Variants in SERPINH1 observed in about 807,000 individuals in gnomAD.
The protein encoded by SERPINH1 is serpin H1.
SERPINH1 carries 22 observed loss-of-function variants against 32.3 expected under a neutral mutation model. The observed-to-expected ratio is 0.68, with a 90% confidence interval of 0.49 to 0.97. SERPINH1 has a LOEUF of 0.97. SERPINH1 is among the 50% of genes least tolerant of loss of function. The probability of loss-of-function intolerance (pLI) is 0.00; values close to 1 mark genes in which losing one functional copy is unlikely to be tolerated. For missense variants in SERPINH1, 543 were observed against 576.4 expected (o/e 0.94, Z 0.59); for synonymous variants, 251 against 245.9 (o/e 1.02, Z -0.19).
chr11:75,572,061 A>T lies in SERPINH1; in HGVS notation c.1235A>T (p.Asp412Val). ...FIGRLVRPKG[D>V]KMRDEL ...GGGCGCCTGGTCCGGCCTAAGGGTG[A>T]CAAGATGCGAGACGAGTTATAGGGC... The change falls in exon 5 of 5, where the codon GAC (aspartate) becomes GTC (valine). Residue 412 changes from aspartate to valine, a missense_variant. Asp to Val is a radical substitution (Grantham distance 152, BLOSUM62 -3). Coordinates refer to ENST00000358171, the MANE Select transcript of SERPINH1 (RefSeq NM_001235.5). 6.2e-7 allele frequency: 1 copy of T among 1,614,156 alleles called. No individual in the cohort carries two copies. Among genetic ancestry groups the T allele is most frequent in the African/African-American group, 1.3e-5 (1 of 75,036 alleles).
intron 1 of SERPINH1, 55 bp from the exon 2 acceptor site, chr11:75,566,261 G>C: frequency 6.8e-7 from 1 of 1,475,562 alleles, no homozygotes. Context: ...GAGGGTGGTT[G>C]TTGGGGAGGA....
At chr11:75,570,322 A>G (rs1942174402) in intron 4 of SERPINH1, among the ~76,000 whole-genome samples, 1 of 152,118 alleles carries the variant, frequency 6.6e-6, no homozygotes, top group Non-Finnish European at 1.5e-5. Flanking sequence ...CAAACCAGGG[A>G]CAAGTGGAGC....
chr11:75,566,218 C>A, intron 1 of SERPINH1, 98 bp from the exon 2 acceptor site: 1 of 1,111,712 alleles, frequency 9.0e-7, no homozygotes, highest in Non-Finnish European at 1.3e-6. Flanking sequence ...CTCTTGCCCC[C>A]ATCTCCAGGG....
In SERPINH1 at chr11:75,566,882, C is replaced by A; in HGVS notation, c.533C>A (p.Ala178Glu). ...CTGCAGTCCATCAACGAGTGGGCCG[C>A]GCAGACCACCGACGGCAAGCTGCCC... ...SALQSINEWAAQTTDGKLPEV... is the reference protein window; with the variant it reads ...SALQSINEWAEQTTDGKLPEV... Residue 178 changes from alanine to glutamate, a missense_variant, in exon 2 of 5, where the codon GCG becomes GAG. This residue lies in a region of SERPINH1 where 427 missense variants were observed against 446.4 expected (regional missense o/e 0.96). Coordinates refer to ENST00000358171, the MANE Select transcript of SERPINH1 (RefSeq NM_001235.5). 1 of 1,609,832 alleles carries A rather than the reference C, an allele frequency of 6.2e-7. No homozygotes were observed. Among genetic ancestry groups the A allele is most frequent in the Non-Finnish European group, 8.5e-7 (1 of 1,179,966 alleles).
chr11:75,572,085 G>C lies in SERPINH1; in HGVS notation c.*2G>C. 6.2e-7 allele frequency: 1 copy of C among 1,613,940 alleles called. No individual in the cohort carries two copies. Among genetic ancestry groups the C allele is most frequent in the Non-Finnish European group, 8.5e-7 (1 of 1,179,988 alleles). On this transcript the variant is annotated 3_prime_UTR_variant, in exon 5 of 5. Coordinates refer to ENST00000358171, the MANE Select transcript of SERPINH1 (RefSeq NM_001235.5). ...GACAAGATGCGAGACGAGTTATAGG[G>C]CCTCAGGGTGCACACAGGATGGCAG...
In SERPINH1 at chr11:75,572,022, C is replaced by G; in HGVS notation, c.1196C>G (p.Ser399Cys). Residue 399 changes from serine (S) to cysteine (C), a missense_variant, in exon 5 of 5, where the codon TCC becomes TGC. Around this residue, in one of 3 missense-constraint regions of SERPINH1, gnomAD observed 427 missense variants for 446.4 expected, o/e 0.96. Coordinates refer to ENST00000358171, the MANE Select transcript of SERPINH1 (RefSeq NM_001235.5). ...IFLVRDTQSG[S>C]LLFIGRLVRP... ...CTAGTGCGGGACACCCAAAGCGGCT[C>G]CCTGCTATTCATTGGGCGCCTGGTC... The G allele has an allele frequency of 3.1e-6, 5 of 1,614,180 alleles. No homozygotes were observed. The highest frequency in any genetic ancestry group is 4.2e-6 in the Non-Finnish European group (5 of 1,180,040).
chr11:75,568,057 G>GA (rs1942121227), intron 2 of SERPINH1: 1 of 160,388 alleles, frequency 6.2e-6, no homozygotes, highest in Non-Finnish European at 1.4e-5. Context: ...AGCACTTTGG[G>GA]AGGCCAAGGT....
At chr11:75,565,695 A>G (rs1054311641) in intron 1 of SERPINH1, among the ~76,000 whole-genome samples, 3 of 152,230 alleles carry the variant, frequency 2.0e-5, no homozygotes, top group African/African-American at 7.2e-5. Context: ...TGAGTGACCC[A>G]ACTGGTGACT....
At chr11:75,568,865 G>C in intron 3 of SERPINH1, 36 bp downstream of exon 3, 2 of 1,603,242 alleles carry the variant, frequency 1.2e-6, no homozygotes, top group Non-Finnish European at 1.7e-6. Flanking sequence ...CAAGGTGGGT[G>C]GGGGTCCAAG....
At chr11:75,564,090 G>A (rs752420039) in intron 1 of SERPINH1, among the ~76,000 whole-genome samples, 21 of 152,204 alleles carry the variant, frequency 1.4e-4, no homozygotes, top group Non-Finnish European at 2.8e-4. Context: ...GGATGGGAAG[G>A]GAACTAAGGC....
chr11:75,566,788 G>A lies in SERPINH1; in HGVS notation c.439G>A (p.Val147Met), dbSNP rs893466223. The A allele has an allele frequency of 3.1e-6, 5 of 1,613,238 alleles. No homozygotes were observed. Among genetic ancestry groups the A allele is most frequent in the Non-Finnish European group, 8.5e-7 (1 of 1,179,964 alleles). ...CTCAGTGAGCTTCGCTGATGACTTCGTGCGCAGCAGCAAGCAGCACTACAA... is the reference window on the plus strand; with the variant it reads ...CTCAGTGAGCTTCGCTGATGACTTCATGCGCAGCAGCAAGCAGCACTACAA... ...PSSVSFADDF[V>M]RSSKQHYNCE... The change falls in exon 2 of 5, where the codon GTG (valine) becomes ATG (methionine). Residue 147 changes from valine (V) to methionine (M), a missense_variant. Around this residue, in one of 3 missense-constraint regions of SERPINH1, gnomAD observed 427 missense variants for 446.4 expected, o/e 0.96. Coordinates refer to ENST00000358171, the MANE Select transcript of SERPINH1 (RefSeq NM_001235.5).
At chr11:75,564,047 C>T (rs932760767) in intron 1 of SERPINH1, among the ~76,000 whole-genome samples, 7 of 152,228 alleles carry the variant, frequency 4.6e-5, no homozygotes, top group African/African-American at 1.7e-4. Context: ...CCCTTCTCCC[C>T]AGTAGCGCAT....
chr11:75,567,048 G>C, intron 2 of SERPINH1, 77 bp downstream of exon 2: 6 of 1,467,826 alleles, frequency 4.1e-6, no homozygotes, highest in East Asian at 2.4e-5. Flanking sequence ...CATTCCGTGC[G>C]CTCCATTCTT....
In SERPINH1 at chr11:75,571,892, G is replaced by A. The variant is rs747912977; in HGVS notation, c.1066G>A (p.Ala356Thr). The change falls in exon 5 of 5, where the codon GCC becomes ACC. Residue 356 changes from alanine (A) to threonine (T), a missense_variant. Physicochemically the swap from Ala to Thr is moderately conservative, Grantham distance 58. Around this residue, in one of 3 missense-constraint regions of SERPINH1, gnomAD observed 427 missense variants for 446.4 expected, o/e 0.96. Coordinates refer to ENST00000358171, the MANE Select transcript of SERPINH1 (RefSeq NM_001235.5). ...LYLASVFHATAFELDTDGNPF... is the reference protein window; with the variant it reads ...LYLASVFHATTFELDTDGNPF... Reference sequence around the variant, plus strand: ...CCTGGCCAGCGTGTTCCACGCCACCGCCTTTGAGTTGGACACAGATGGCAA... The same window carrying A: ...CCTGGCCAGCGTGTTCCACGCCACCACCTTTGAGTTGGACACAGATGGCAA... The A allele has an allele frequency of 9.3e-6, 15 of 1,614,100 alleles. No homozygotes were observed. Among genetic ancestry groups the A allele is most frequent in the African/African-American group, 2.7e-5 (2 of 74,950 alleles).
intron 4 of SERPINH1, among the ~76,000 whole-genome samples, chr11:75,570,758 C>T (rs1942182611): frequency 1.3e-5 from 2 of 152,316 alleles, no homozygotes; most frequent in East Asian, 1.9e-4. Flanking sequence ...CCAGGGAGAG[C>T]GCTGGACATG....
At chr11:75,568,495 A>T in intron 2 of SERPINH1, 5 of 587,910 alleles carry the variant, frequency 8.5e-6, no homozygotes, top group Non-Finnish European at 9.3e-6. Context: ...TGGGAGCAGC[A>T]GGCACTGACT....
Position 75,569,135 on chromosome 11 carries a change from G to GC in SERPINH1, c.921dup (p.Lys308GlnfsTer9), listed in dbSNP as rs1214729511. The GC allele has an allele frequency of 6.2e-7, 1 of 1,613,206 alleles. No homozygotes were observed. The highest frequency in any genetic ancestry group is 2.2e-5 in the East Asian group (1 of 44,864). ...AGAAGAAGGCTGTTGCCATCTCCTTGCCCAAGGGTGTGGTGGAGGTGACCC... is the reference window on the plus strand; with the variant it reads ...AGAAGAAGGCTGTTGCCATCTCCTTGCCCCAAGGGTGTGGTGGAGGTGACCC... On this transcript the variant is annotated frameshift_variant, in exon 4 of 5. Coordinates refer to ENST00000358171, the MANE Select transcript of SERPINH1 (RefSeq NM_001235.5). LOFTEE classifies it high-confidence loss of function.
At position 75,571,973 on chromosome 11, in the gene SERPINH1, T is replaced by A. The variant is rs746933828; in HGVS notation, c.1147T>A (p.Tyr383Asn). ...GGAGCTGCGCAGCCCCAAGCTGTTC[T>A]ACGCCGACCACCCCTTCATCTTCCT... ...REELRSPKLF[Y>N]ADHPFIFLVR... Residue 383 changes from tyrosine (Y) to asparagine (N), a missense_variant, in exon 5 of 5, where the codon TAC (tyrosine) becomes AAC (asparagine). Coordinates refer to ENST00000358171, the MANE Select transcript of SERPINH1 (RefSeq NM_001235.5). The A allele has an allele frequency of 6.2e-7, 1 of 1,614,232 alleles. No homozygotes were observed. Among genetic ancestry groups the A allele is most frequent in the Non-Finnish European group, 8.5e-7 (1 of 1,180,036 alleles).
Position 75,566,706 on chromosome 11 carries a change from C to G in SERPINH1, c.357C>G (p.Ser119Arg). The change falls in exon 2 of 5, where the codon AGC becomes AGG. Residue 119 changes from serine (S) to arginine (R), a missense_variant. Transcript: ENST00000358171. The stretch of plus-strand genomic sequence containing the variant: ...TGGGCGAGCTGCTGCGCTCACTCAG[C>G]AACTCCACGGCGCGCAACGTGACCT... Reference protein sequence around the residue: ...AGLGELLRSLSNSTARNVTWK... With the variant: ...AGLGELLRSLRNSTARNVTWK... 2 of 1,611,592 alleles carry G rather than the reference C, an allele frequency of 1.2e-6. No homozygotes were observed. Among genetic ancestry groups the G allele is most frequent in the Non-Finnish European group, 1.7e-6 (2 of 1,179,238 alleles).
Sources: gnomAD v4.1 joint callset for allele counts (sites outside exome capture counted in the v4.1 genomes callset) on GRCh38, gnomAD v4.1.1 for gene constraint, gnomAD v4.1.1 regional missense constraint, MANE v1.5 for transcripts, NCBI Gene and HGNC (gene_info 2026-07-23, HGNC 2026-07-21) for gene names.